DLG2: variants seen among roughly 807,000 people sequenced by gnomAD.
DLG2 encodes the protein disks large homolog 2.
A neutral mutation model predicts 132.5 loss-of-function variants in DLG2; 45 were observed. The observed-to-expected ratio is 0.34, with a 90% CI of 0.27 to 0.44. The LOEUF is 0.44. Among genes scored for constraint, DLG2 ranks in the 20% least tolerant of loss-of-function variants. DLG2 has a pLI of 1.00. For missense variants in DLG2, 1,045 were observed against 1,196.9 expected (o/e 0.87, Z 1.87); for synonymous variants, 424 against 419.6 (o/e 1.01, Z -0.13).
At chr11:84,706,005 A>G (rs2059738921) in intron 6 of DLG2, among the ~76,000 whole-genome samples, 1 of 151,770 alleles carries the variant, frequency 6.6e-6, no homozygotes. Flanking sequence ...GTGACACTTG[A>G]GTTCAATATG....
chr11:85,414,008 T>C (rs1019473280), intron 3 of DLG2, among the ~76,000 whole-genome samples: 1 of 152,108 alleles, frequency 6.6e-6, no homozygotes, highest in Non-Finnish European at 1.5e-5. Flanking sequence ...ATTTTCACAA[T>C]ATTGATTCTA....
chr11:84,608,774 A>G (rs904893621), intron 6 of DLG2, among the ~76,000 whole-genome samples: 3 of 152,184 alleles, frequency 2.0e-5, no homozygotes, highest in Non-Finnish European at 4.4e-5. Flanking sequence ...AAATCAGAGG[A>G]CAAATCAAAC....
At chr11:84,591,678 A>T (rs1307307607) in intron 6 of DLG2, among the ~76,000 whole-genome samples, 2 of 152,028 alleles carry the variant, frequency 1.3e-5, no homozygotes, top group South Asian at 2.1e-4. Context: ...TTAAAAAAAT[A>T]AAAATAATAA....
intron 6 of DLG2, among the ~76,000 whole-genome samples, chr11:84,675,809 T>G (rs1441693590): frequency 2.6e-5 from 4 of 152,086 alleles, no homozygotes; most frequent in African/African-American, 9.7e-5. Flanking sequence ...ATGATGGCCA[T>G]TTGTCCAGGT....
intron 6 of DLG2, among the ~76,000 whole-genome samples, chr11:85,038,452 G>A (rs542308047): frequency 6.6e-6 from 1 of 152,134 alleles, no homozygotes; most frequent in East Asian, 1.9e-4. Context: ...ACAACCTTGT[G>A]AGAAATACTC....
chr11:83,488,359 T>A (rs2093647521), intron 21 of DLG2, among the ~76,000 whole-genome samples: 2 of 151,984 alleles, frequency 1.3e-5, no homozygotes, highest in South Asian at 4.1e-4. Context: ...CTCAGAAGTC[T>A]CCAGGTTGTT....
chr11:84,990,484 A>G (rs923984984), intron 6 of DLG2, among the ~76,000 whole-genome samples: 1 of 152,134 alleles, frequency 6.6e-6, no homozygotes, highest in Admixed American at 6.5e-5. Context: ...ATGAGCCTTC[A>G]TCGGACACCA....
intron 18 of DLG2, among the ~76,000 whole-genome samples, chr11:83,739,538 T>C (rs1156373553): frequency 2.0e-5 from 3 of 152,042 alleles, no homozygotes; most frequent in Non-Finnish European, 4.4e-5. Context: ...CCGAGAGATT[T>C]GATCAGGCAA....
chr11:84,112,210 G>A (rs2093387966), intron 9 of DLG2, among the ~76,000 whole-genome samples: 1 of 151,720 alleles, frequency 6.6e-6, no homozygotes, highest in Admixed American at 6.6e-5. Flanking sequence ...GTGTTAGCCA[G>A]GATGGTCTCG....
chr11:84,451,341 T>C lies in DLG2; in HGVS notation c.519+83229A>G, dbSNP rs184932666. 3.1e-4 allele frequency among the ~76,000 whole-genome samples: 47 copies of C among 152,078 alleles called. No homozygotes were observed. In the East Asian group the frequency reaches 9.1e-3, roughly 29 times the overall value. ...TTCCATTTAAGGCTTCTATATTTTCTTTGTAAACTCTTCTAAAGCAGATAA... is the reference window on the plus strand; with the variant it reads ...TTCCATTTAAGGCTTCTATATTTTCCTTGTAAACTCTTCTAAAGCAGATAA... On this transcript the variant is annotated intron_variant, in intron 7 of 27. Coordinates refer to ENST00000376104, the MANE Select transcript of DLG2 (RefSeq NM_001142699.3).
At chr11:83,530,444 T>C (rs561818275) in intron 21 of DLG2, among the ~76,000 whole-genome samples, 2 of 151,788 alleles carry the variant, frequency 1.3e-5, no homozygotes, top group Non-Finnish European at 2.9e-5. Context: ...GTGACAGCAA[T>C]TGACCATAAC....
intron 7 of DLG2, among the ~76,000 whole-genome samples, chr11:84,385,243 T>G (rs919608011): frequency 6.6e-6 from 1 of 152,024 alleles, no homozygotes; most frequent in Non-Finnish European, 1.5e-5. Context: ...TTAAAGAGTT[T>G]TAAAAAAAAT....
chr11:84,657,520 C>G (rs767550671), intron 6 of DLG2, among the ~76,000 whole-genome samples: 1 of 152,000 alleles, frequency 6.6e-6, no homozygotes, highest in Non-Finnish European at 1.5e-5. Flanking sequence ...ATTTTTTTCA[C>G]GAATGAGAAG....
chr11:85,465,790 G>C (rs946213872), intron 3 of DLG2, among the ~76,000 whole-genome samples: 1 of 151,918 alleles, frequency 6.6e-6, no homozygotes, highest in Non-Finnish European at 1.5e-5. Flanking sequence ...CTTTATAGCA[G>C]CATGATTTAT....
intron 6 of DLG2, among the ~76,000 whole-genome samples, chr11:84,880,629 T>C (rs1249443862): frequency 6.6e-6 from 1 of 152,186 alleles, no homozygotes; most frequent in African/African-American, 2.4e-5. Flanking sequence ...CTATCTCCCA[T>C]GTTATAAGTA....
intron 6 of DLG2, among the ~76,000 whole-genome samples, chr11:84,682,498 G>A (rs1241877317): frequency 6.6e-6 from 1 of 152,190 alleles, no homozygotes; most frequent in Admixed American, 6.5e-5. Flanking sequence ...GTGCCATGGA[G>A]AGTGGGGAGC....
At chr11:84,283,890 G>T (rs1230011727) in intron 7 of DLG2, among the ~76,000 whole-genome samples, 1 of 152,038 alleles carries the variant, frequency 6.6e-6, no homozygotes, top group Admixed American at 6.6e-5. Flanking sequence ...TATTTACCAG[G>T]ATTTTCTGTA....
rs573977548 is a variant in DLG2, at chr11:85,086,755, CTTCTT to C, written c.357+24901_357+24905del. Among the ~76,000 whole-genome samples, 228 of 152,290 alleles carry C rather than the reference CTTCTT, an allele frequency of 1.5e-3. 1 individual carries two copies. Among genetic ancestry groups the C allele is most frequent in the South Asian group, 2.1e-3 (10 of 4,830 alleles). On this transcript the variant is annotated intron_variant, in intron 6 of 27. Transcript: ENST00000376104. The stretch of plus-strand genomic sequence containing the variant: ...CATCTAAAGGTCACGGGATTTGACT[CTTCTT>C]TTATGAAGCAGTTTGTTTCAATTAA...
At chr11:85,167,701 C>T (rs1413202033) in intron 4 of DLG2, among the ~76,000 whole-genome samples, 1 of 152,110 alleles carries the variant, frequency 6.6e-6, no homozygotes, top group Non-Finnish European at 1.5e-5. Flanking sequence ...TAAAAATACA[C>T]AGGTTTCCCT....
Sources: allele counts gnomAD v4.1 joint callset (sites outside exome capture counted in the v4.1 genomes callset), GRCh38; gene constraint gnomAD v4.1.1; transcripts MANE v1.5; gene names NCBI Gene and HGNC (gene_info 2026-07-23, HGNC 2026-07-21).